Variants in RANBP17 observed in about 807,000 individuals in gnomAD.
RANBP17 encodes RAN binding protein 17.
In RANBP17, 158 loss-of-function variants were observed where a neutral mutation model predicts 141.2. That is an observed-to-expected ratio of 1.12 (90% CI 0.98 to 1.28). The LOEUF (loss-of-function observed/expected upper bound fraction) is 1.28, where lower values mean the gene tolerates loss of function less well. Among genes scored for constraint, RANBP17 ranks in the 50% most tolerant of loss-of-function variants. RANBP17 has a pLI of 0.00. For missense variants in RANBP17, 1,438 were observed against 1,290.7 expected, an observed-to-expected ratio of 1.11 and a Z score of -1.75; for synonymous variants, 430 against 450.0, an observed-to-expected ratio of 0.96 and a Z score of 0.56.
chr5:171,236,946 G>C (rs937475432), intron 22 of RANBP17, among the ~76,000 whole-genome samples: 2 of 152,128 alleles, frequency 1.3e-5, no homozygotes, highest in Non-Finnish European at 2.9e-5. Flanking sequence ...TTATTATGTA[G>C]TTCTCCAGCT....
chr5:171,060,829 C>T (rs1026301457), intron 14 of RANBP17, among the ~76,000 whole-genome samples: 2 of 152,110 alleles, frequency 1.3e-5, no homozygotes, highest in African/African-American at 2.4e-5. Flanking sequence ...TGATTATTGC[C>T]ACAATTTCAG....
At chr5:170,973,180 G>A (rs1312951587) in intron 14 of RANBP17, among the ~76,000 whole-genome samples, 5 of 151,942 alleles carry the variant, frequency 3.3e-5, no homozygotes, top group African/African-American at 1.2e-4. Context: ...ACATGGACAA[G>A]TAAGGAAAAA....
intron 14 of RANBP17, among the ~76,000 whole-genome samples, chr5:171,033,320 A>G (rs932189686): frequency 7.9e-5 from 12 of 152,204 alleles, no homozygotes; most frequent in Middle Eastern, 3.2e-3. Flanking sequence ...ATTCTAAGCA[A>G]TGAATACAGA....
In RANBP17 at chr5:171,139,581, C is replaced by A. The variant is rs79786705; in HGVS notation, c.1711-30549C>A. The stretch of plus-strand genomic sequence containing the variant: ...CCTAGGAATCATTTTTATTTCATTT[C>A]TTCCTTACTCTCTACCAAGTTCTAC... On this transcript the variant is annotated intron_variant, in intron 14 of 27. Coordinates refer to ENST00000523189, the MANE Select transcript of RANBP17 (RefSeq NM_022897.5). 6.5e-3 allele frequency among the ~76,000 whole-genome samples: 989 copies of A among 152,232 alleles called. 7 individuals are homozygous for A. Among genetic ancestry groups the A allele is most frequent in the Middle Eastern group, 0.014 (4 of 294 alleles).
chr5:171,121,995 G>A (rs746015554), intron 14 of RANBP17, among the ~76,000 whole-genome samples: 1 of 152,184 alleles, frequency 6.6e-6, no homozygotes, highest in Non-Finnish European at 1.5e-5. Context: ...CTCAGGGATT[G>A]AGAGGACTGT....
At chr5:170,974,432 G>T (rs1777216300) in intron 14 of RANBP17, among the ~76,000 whole-genome samples, 1 of 152,106 alleles carries the variant, frequency 6.6e-6, no homozygotes, top group Non-Finnish European at 1.5e-5. Context: ...GAACACACTG[G>T]GGTAGGGATT....
chr5:170,968,135 A>G (rs888993547), intron 13 of RANBP17, 107 bp from the exon 14 acceptor site: 1 of 760,388 alleles, frequency 1.3e-6, no homozygotes, highest in African/African-American at 1.8e-5. Flanking sequence ...TTATTTTCCC[A>G]CTTTTTACAG....
chr5:171,190,799 C>A lies in RANBP17; in HGVS notation c.2038+7369C>A, dbSNP rs529219998. ...GGGTAGGTGTGGCAAGGCACTATAA[C>A]AACGCTTTTCATTTGGTGAAGAACC... On this transcript the variant is annotated intron_variant, in intron 18 of 27. Transcript: ENST00000523189. 2.6e-5 allele frequency among the ~76,000 whole-genome samples: 4 copies of A among 152,274 alleles called. No homozygotes were observed. The South Asian group carries it at 8.3e-4, about 32-fold the overall frequency.
chr5:170,903,372 T>TG (rs1770810319), intron 5 of RANBP17, among the ~76,000 whole-genome samples: 1 of 152,236 alleles, frequency 6.6e-6, no homozygotes, highest in African/African-American at 2.4e-5. Context: ...TTCAGACTGC[T>TG]GTGCTGGCAG....
chr5:171,274,165 TGC>T (rs1350236788), intron 25 of RANBP17, among the ~76,000 whole-genome samples: 13 of 128,512 alleles, frequency 1.0e-4, no homozygotes, highest in Admixed American at 9.4e-4. Flanking sequence ...CGCGCGCGCG[TGC>T]GCAAAATCTA....
At position 170,997,579 on chromosome 5, in the gene RANBP17, G is replaced by A. The variant is rs188362059; in HGVS notation, c.1710+29202G>A. ...AGTCTTTCTAGCATGCTTGACATAG[G>A]TTGCTGTTTGCCTATTTGGCTTAGT... On this transcript the variant is annotated intron_variant, in intron 14 of 27. Coordinates refer to ENST00000523189, the MANE Select transcript of RANBP17 (RefSeq NM_022897.5). Among the ~76,000 whole-genome samples, 200 of 152,226 alleles carry A rather than the reference G, an allele frequency of 1.3e-3. 1 individual carries two copies. Among genetic ancestry groups the A allele is most frequent in the African/African-American group, 4.7e-3 (195 of 41,546 alleles).
intron 14 of RANBP17, among the ~76,000 whole-genome samples, chr5:171,148,083 A>T (rs903055645): frequency 2.0e-5 from 3 of 152,002 alleles, no homozygotes; most frequent in Non-Finnish European, 1.5e-5. Context: ...TTGATCTGTG[A>T]CCTTACCCCC....
intron 13 of RANBP17, among the ~76,000 whole-genome samples, chr5:170,965,458 A>C (rs1581256627): frequency 1.3e-5 from 2 of 151,944 alleles, no homozygotes; most frequent in Non-Finnish European, 1.5e-5. Context: ...GTGTTTTAGA[A>C]ATGAAGTCCT....
At chr5:170,876,886 A>G (rs934816942) in intron 1 of RANBP17, among the ~76,000 whole-genome samples, 1 of 152,186 alleles carries the variant, frequency 6.6e-6, no homozygotes, top group African/African-American at 2.4e-5. Flanking sequence ...CATTGTTTTC[A>G]TATGCCTACC....
At chr5:171,133,532 A>G in intron 14 of RANBP17, among the ~76,000 whole-genome samples, 1 of 152,152 alleles carries the variant, frequency 6.6e-6, no homozygotes, top group South Asian at 2.1e-4. Context: ...TTATAAAATT[A>G]TAGTTTCAAC....
intron 25 of RANBP17, among the ~76,000 whole-genome samples, chr5:171,276,339 T>C (rs1367534137): frequency 6.6e-6 from 1 of 152,236 alleles, no homozygotes; most frequent in African/African-American, 2.4e-5. Context: ...AACAGAATGA[T>C]GTCATTTTAC....
intron 3 of RANBP17, among the ~76,000 whole-genome samples, chr5:170,890,811 C>A (rs563015326): frequency 6.6e-6 from 1 of 152,308 alleles, no homozygotes. Flanking sequence ...ACAAGCTTGA[C>A]TTTACTATTC....
chr5:170,890,818 A>G (rs576531345), intron 3 of RANBP17, among the ~76,000 whole-genome samples: 5 of 152,286 alleles, frequency 3.3e-5, no homozygotes, highest in East Asian at 3.9e-4. Flanking sequence ...TGACTTTACT[A>G]TTCTACTTAT....
At chr5:171,022,351 C>T (rs968602551) in intron 14 of RANBP17, among the ~76,000 whole-genome samples, 10 of 152,318 alleles carry the variant, frequency 6.6e-5, no homozygotes, top group South Asian at 2.1e-4. Context: ...GGGGGAAACC[C>T]GCTCATCTGG....
Sources: allele counts gnomAD v4.1 joint callset (sites outside exome capture counted in the v4.1 genomes callset), GRCh38; gene constraint gnomAD v4.1.1; transcripts MANE v1.5; gene names NCBI Gene and HGNC (gene_info 2026-07-23, HGNC 2026-07-21).